The following CADPS2 variants were observed in gnomAD, a reference collection of about 807,000 sequenced individuals.
CADPS2 encodes the protein calcium dependent secretion activator 2, also known as calcium-dependent secretion activator 2.
In CADPS2, 93 loss-of-function variants were observed where a neutral mutation model predicts 172.5. That is an observed-to-expected ratio of 0.54 (90% CI 0.46 to 0.64). The LOEUF is 0.64. CADPS2 is among the 30% of genes least tolerant of loss of function. The pLI, the probability that CADPS2 is intolerant of heterozygous loss-of-function variation, is 0.00. For synonymous variants in CADPS2, 546 were observed against 555.2 expected (o/e 0.98, Z 0.23); for missense variants, 1,420 against 1,565.9 (o/e 0.91, Z 1.57).
chr7:122,671,706 AAAG>A (rs1245107490), intron 2 of CADPS2, among the ~76,000 whole-genome samples: 1 of 152,236 alleles, frequency 6.6e-6, no homozygotes, highest in Non-Finnish European at 1.5e-5. Flanking sequence ...CTGGATAAGC[AAAG>A]AAGGATAGGT....
At chr7:122,724,654 T>C (rs923656186) in intron 2 of CADPS2, among the ~76,000 whole-genome samples, 4 of 152,048 alleles carry the variant, frequency 2.6e-5, no homozygotes, top group Admixed American at 2.6e-4. Flanking sequence ...TAAACTCAAG[T>C]ATGGGAAGGT....
chr7:122,886,439 G>A lies in CADPS2; in HGVS notation c.-102C>T, dbSNP rs1275168219. 6 of 1,389,710 alleles carry A rather than the reference G, an allele frequency of 4.3e-6. No homozygotes were observed. Among genetic ancestry groups the A allele is most frequent in the African/African-American group, 3.1e-5 (2 of 64,956 alleles). The allele number at this position is 1,389,710 out of a possible 1,614,324, so 86.1% of individuals were successfully genotyped here. The stretch of plus-strand genomic sequence containing the variant: ...GGGAGCCGCGGGGCTGGCTGCAGCG[G>A]CCGCAGAACGAAAGGAAAACTGGCC... On this transcript the variant is annotated 5_prime_UTR_variant, in exon 1 of 30. Coordinates refer to ENST00000449022, the MANE Select transcript of CADPS2 (RefSeq NM_017954.11).
intron 19 of CADPS2, chr7:122,412,724 C>T (rs1019513447): frequency 6.6e-6 from 1 of 152,196 alleles, no homozygotes; most frequent in African/African-American, 2.4e-5. Flanking sequence ...AACCAAGTAA[C>T]GACTTGAGTC....
At chr7:122,793,655 T>C (rs1414740987) in intron 1 of CADPS2, among the ~76,000 whole-genome samples, 1 of 152,192 alleles carries the variant, frequency 6.6e-6, no homozygotes, top group Non-Finnish European at 1.5e-5. Context: ...TACGTGTGAA[T>C]TTGATCCTAT....
intron 1 of CADPS2, among the ~76,000 whole-genome samples, chr7:122,758,403 G>A (rs763477180): frequency 2.7e-4 from 41 of 152,110 alleles, no homozygotes; most frequent in Admixed American, 5.9e-4. Flanking sequence ...TATAAACATC[G>A]CGTATGTATT....
intron 3 of CADPS2, among the ~76,000 whole-genome samples, chr7:122,662,741 C>G (rs2080744660): frequency 6.6e-6 from 1 of 152,154 alleles, no homozygotes; most frequent in African/African-American, 2.4e-5. Flanking sequence ...ACTCTGTCAT[C>G]TCTTTAAATT....
intron 2 of CADPS2, among the ~76,000 whole-genome samples, chr7:122,683,216 C>T (rs1195513219): frequency 6.6e-6 from 1 of 152,166 alleles, no homozygotes; most frequent in African/African-American, 2.4e-5. Flanking sequence ...TGAAGTTAGC[C>T]ACATCTATCT....
chr7:122,529,751 T>C (rs1436568316), intron 8 of CADPS2, among the ~76,000 whole-genome samples: 1 of 152,146 alleles, frequency 6.6e-6, no homozygotes, highest in East Asian at 1.9e-4. Flanking sequence ...GAAAATAAAA[T>C]GTGGATCCCG....
At chr7:122,788,587 T>C (rs919740443) in intron 1 of CADPS2, among the ~76,000 whole-genome samples, 2 of 152,216 alleles carry the variant, frequency 1.3e-5, no homozygotes, top group Admixed American at 1.3e-4. Flanking sequence ...TTTCCTTTGA[T>C]TATTGAGCAG....
intron 28 of CADPS2, among the ~76,000 whole-genome samples, chr7:122,336,680 C>T (rs1050623649): frequency 6.6e-6 from 1 of 152,172 alleles, no homozygotes; most frequent in African/African-American, 2.4e-5. Context: ...GTTACTGGCT[C>T]AGGTGGATGA....
At chr7:122,644,442 C>G (rs2078076645) in intron 3 of CADPS2, among the ~76,000 whole-genome samples, 1 of 152,156 alleles carries the variant, frequency 6.6e-6, no homozygotes, top group African/African-American at 2.4e-5. Context: ...ATGACACAGC[C>G]TTCATAGTTG....
At chr7:122,884,760 T>C (rs996326730) in intron 1 of CADPS2, among the ~76,000 whole-genome samples, 1 of 152,222 alleles carries the variant, frequency 6.6e-6, no homozygotes, top group African/African-American at 2.4e-5. Flanking sequence ...ATGATACTTA[T>C]ACACCTATGA....
In CADPS2 at chr7:122,345,738, T is replaced by A. The variant is rs182511823; in HGVS notation, c.3505-57A>T. On this transcript the variant is annotated intron_variant, in intron 27 of 29. Coordinates refer to ENST00000449022, the MANE Select transcript of CADPS2 (RefSeq NM_017954.11). ...TAATATCAGGTCTCAATTGTGAAAT[T>A]ATTATTTAATCATACCCTGAAAAAT... is the stretch of plus-strand genomic sequence containing the variant. 81 of 1,096,060 alleles carry A rather than the reference T, an allele frequency of 7.4e-5. No individual in the cohort carries two copies. In the East Asian group the frequency reaches 1.9e-3, roughly 25 times the overall value. 67.9% of individuals were successfully genotyped at this position (1,096,060 alleles called of 1,614,324 possible). A position where few individuals can be genotyped will look rare whatever the true frequency, so the allele number is the denominator to read the frequency against.
At chr7:122,561,355 C>A (rs2065751289) in intron 7 of CADPS2, among the ~76,000 whole-genome samples, 2 of 151,832 alleles carry the variant, frequency 1.3e-5, no homozygotes, top group South Asian at 4.2e-4. Context: ...ACAAGAAAGG[C>A]CTTTTTTTGA....
chr7:122,501,445 G>A (rs2059192299), intron 9 of CADPS2, among the ~76,000 whole-genome samples: 2 of 152,042 alleles, frequency 1.3e-5, no homozygotes, highest in Non-Finnish European at 2.9e-5. Context: ...TATACTCTAA[G>A]TAATTCTCTC....
At position 122,857,470 on chromosome 7, in the gene CADPS2, T is replaced by C. The variant is rs185179946; in HGVS notation, c.339+28529A>G. On this transcript the variant is annotated intron_variant, in intron 1 of 29. Transcript: ENST00000449022. ...TTGCTATACCAGATCCAATGTTACTTTGGGGAAAGGAGTGGGAAGCCCTGA... is the reference window on the plus strand; with the variant it reads ...TTGCTATACCAGATCCAATGTTACTCTGGGGAAAGGAGTGGGAAGCCCTGA... 2.6e-5 allele frequency among the ~76,000 whole-genome samples: 4 copies of C among 152,246 alleles called. No homozygotes were observed. The East Asian group carries it at 5.8e-4, about 22-fold the overall frequency.
intron 8 of CADPS2, among the ~76,000 whole-genome samples, chr7:122,552,026 G>A (rs2064366058): frequency 1.3e-5 from 2 of 152,162 alleles, no homozygotes; most frequent in African/African-American, 2.4e-5. Context: ...TATTCAAAAT[G>A]TTTAAAACTG....
intron 3 of CADPS2, among the ~76,000 whole-genome samples, chr7:122,655,110 T>C (rs972475385): frequency 6.6e-6 from 1 of 152,210 alleles, no homozygotes; most frequent in Non-Finnish European, 1.5e-5. Flanking sequence ...TATTGCTTCT[T>C]ATGGACGAAC....
At chr7:122,374,408 CAAATA>C (rs144338281) in intron 25 of CADPS2, among the ~76,000 whole-genome samples, 17 of 147,642 alleles carry the variant, frequency 1.2e-4, no homozygotes, top group East Asian at 5.9e-4. Flanking sequence ...AGTAAGTAGA[CAAATA>C]AAATAAAATA....
Sources: allele counts gnomAD v4.1 joint callset (sites outside exome capture counted in the v4.1 genomes callset), GRCh38; gene constraint gnomAD v4.1.1; transcripts MANE v1.5; gene names NCBI Gene and HGNC (gene_info 2026-07-23, HGNC 2026-07-21).